Variants in TRPM1 observed in about 807,000 individuals in gnomAD.
The protein encoded by TRPM1 is TRPM1-203 APA Isoform, Intron 10.
TRPM1 carries 113 observed loss-of-function variants against 149.4 expected under a neutral mutation model. The ratio of observed to expected loss-of-function variants is 0.76; its 90% CI spans 0.65 to 0.88. The LOEUF (loss-of-function observed/expected upper bound fraction) is 0.88. TRPM1 is among the 40% of genes least tolerant of loss of function. The probability of loss-of-function intolerance (pLI) is 0.00; values close to 1 mark genes in which losing one functional copy is unlikely to be tolerated. For synonymous variants in TRPM1, 741 were observed against 759.5 expected (o/e 0.98, Z 0.40); for missense variants, 1,976 against 2,038.7 (o/e 0.97, Z 0.59).
At chr15:31,142,178 A>G (rs2036170920) in intron 1 of TRPM1, among the ~76,000 whole-genome samples, 1 of 152,226 alleles carries the variant, frequency 6.6e-6, no homozygotes, top group Non-Finnish European at 1.5e-5. Flanking sequence ...TCTTTGTAAA[A>G]GAAATTCTAT....
At chr15:31,131,583 C>T (rs966766165) in intron 1 of TRPM1, among the ~76,000 whole-genome samples, 4 of 152,234 alleles carry the variant, frequency 2.6e-5, no homozygotes, top group Admixed American at 2.6e-4. Flanking sequence ...TTCTGATTGA[C>T]AGCCATCAGG....
intron 1 of TRPM1, among the ~76,000 whole-genome samples, chr15:31,087,261 T>C (rs1596055855): frequency 7.1e-6 from 1 of 141,586 alleles, no homozygotes; most frequent in Non-Finnish European, 1.5e-5. Context: ...TTTTTTTTTT[T>C]TGAGACGGAG....
chr15:31,091,880 C>A (rs1395658716), intron 1 of TRPM1, among the ~76,000 whole-genome samples: 1 of 152,180 alleles, frequency 6.6e-6, no homozygotes, highest in Admixed American at 6.5e-5. Flanking sequence ...TTCAGTGGGG[C>A]CTTTGTAACC....
chr15:31,049,703 T>A (rs1396997548), intron 12 of TRPM1, among the ~76,000 whole-genome samples, 194 bp from the exon 13 acceptor site: 1 of 152,224 alleles, frequency 6.6e-6, no homozygotes, highest in Non-Finnish European at 1.5e-5. Context: ...GGCCTCTACA[T>A]GTTCCATCCA....
In TRPM1 at chr15:31,063,142, G is replaced by A. The variant is rs763506869; in HGVS notation, c.941C>T (p.Ala314Val). 2.4e-5 allele frequency: 39 copies of A among 1,614,188 alleles called. No individual in the cohort carries two copies. Among genetic ancestry groups the A allele is most frequent in the Non-Finnish European group, 3.1e-5 (36 of 1,180,040 alleles). ...CCCGCCTTCTTCACAGTACTTGTGC[G>A]CAAAGGACAGGATGTCCGAGGCACG... ...SGRASDILSF[A>V]HKYCEEGGII... The change falls in exon 8 of 28, where the codon GCG (alanine) becomes GTG (valine). Residue 314 changes from alanine to valine, a missense_variant. Ala to Val is a moderately conservative substitution (Grantham distance 64, BLOSUM62 0). Transcript: ENST00000256552.
At chr15:31,124,777 C>T (rs187045424) in intron 1 of TRPM1, among the ~76,000 whole-genome samples, 31 of 151,632 alleles carry the variant, frequency 2.0e-4, no homozygotes, top group African/African-American at 7.0e-4. Context: ...TGGGGGAAGA[C>T]AGGGCGGGAT....
At chr15:31,048,100 T>G (rs1371952713) in intron 13 of TRPM1, among the ~76,000 whole-genome samples, 161 bp from the exon 14 acceptor site, 1 of 151,990 alleles carries the variant, frequency 6.6e-6, no homozygotes, top group African/African-American at 2.4e-5. Flanking sequence ...CCATCTCTAC[T>G]AAAAATACAA....
chr15:31,126,322 C>T (rs1445247842), intron 1 of TRPM1, among the ~76,000 whole-genome samples: 1 of 152,202 alleles, frequency 6.6e-6, no homozygotes, highest in Non-Finnish European at 1.5e-5. Context: ...GACCAAAGAG[C>T]ATTCATAGAA....
chr15:31,133,780 C>G (rs964760428), intron 1 of TRPM1, among the ~76,000 whole-genome samples: 2 of 152,168 alleles, frequency 1.3e-5, no homozygotes, highest in East Asian at 3.8e-4. Context: ...CTTCTCCAGA[C>G]AAGATCCCCT....
At chr15:31,111,914 G>C (rs8023565) in intron 1 of TRPM1, among the ~76,000 whole-genome samples, 6,396 of 152,238 alleles carry the variant, frequency 0.042, 217 homozygotes, top group Non-Finnish European at 0.061. Flanking sequence ...AAAAAATTTG[G>C]CTGTACCTAG....
intron 11 of TRPM1, among the ~76,000 whole-genome samples, chr15:31,051,749 G>A (rs547124300): frequency 3.9e-5 from 6 of 152,176 alleles, no homozygotes; most frequent in African/African-American, 9.6e-5. Flanking sequence ...TTCTGGCTGC[G>A]GCCCACCTCT....
rs762021123 is a variant in TRPM1, at chr15:31,060,551, T to A, written c.1256A>T (p.His419Leu). The A allele has an allele frequency of 6.2e-7, 1 of 1,614,062 alleles. No individual in the cohort carries two copies. The highest frequency in any genetic ancestry group is 1.7e-5 in the Admixed American group (1 of 60,026). Residue 419 changes from histidine (H) to leucine (L), a missense_variant, in exon 11 of 28, where the codon CAC (histidine) becomes CTC (leucine). Coordinates refer to ENST00000256552, the MANE Select transcript of TRPM1 (RefSeq NM_001252024.2). The stretch of plus-strand genomic sequence containing the variant: ...GAAAAAAAACAGTTTCACCGGCCAG[T>A]GGGGCCCAAAGACAAAGATCTGGCT... Reference protein sequence around the residue: ...ARSQIFVFGPHWPPLGSLAPP... With the variant: ...ARSQIFVFGPLWPPLGSLAPP...
upstream of TRPM1, among the ~76,000 whole-genome samples, chr15:31,104,520 C>G (rs117207836): frequency 3.3e-5 from 5 of 151,212 alleles, no homozygotes; most frequent in African/African-American, 9.7e-5. Context: ...TTTGCAATGC[C>G]GGCGGACTTT....
At chr15:31,076,830 G>T in intron 3 of TRPM1, 75 bp downstream of exon 3, 1 of 1,203,320 alleles carries the variant, frequency 8.3e-7, no homozygotes, top group Non-Finnish European at 1.2e-6. Context: ...TCCTCTTTCT[G>T]CCTCTTACAA....
chr15:31,083,011 G>T (rs778351857), intron 1 of TRPM1, among the ~76,000 whole-genome samples: 5 of 152,110 alleles, frequency 3.3e-5, no homozygotes, highest in Non-Finnish European at 7.3e-5. Flanking sequence ...GGAAGGTGCA[G>T]GGGGATACCT....
chr15:31,047,129 GT>G lies in TRPM1; in HGVS notation c.1745del (p.Asn582ThrfsTer46). The G allele has an allele frequency of 6.2e-7, 1 of 1,614,260 alleles. No homozygotes were observed. Among genetic ancestry groups the G allele is most frequent in the Non-Finnish European group, 8.5e-7 (1 of 1,180,052 alleles). On this transcript the variant is annotated frameshift_variant, in exon 15 of 28. Transcript: ENST00000256552. LOFTEE classifies it high-confidence loss of function. ...GTTCTACCCTCTTTGGTCCAAACAA[GT>G]TGTTGTAAAGGGTCCGAAAGTTTTT... ...TRKNFRTLYN[N>X]LFGPKRPKAL... is the part of the protein sequence containing the mutation.
chr15:31,094,629 G>A (rs942382245), intron 1 of TRPM1, among the ~76,000 whole-genome samples: 3 of 152,184 alleles, frequency 2.0e-5, no homozygotes, highest in Non-Finnish European at 4.4e-5. Flanking sequence ...AACATCTTTA[G>A]ACATTAGGGA....
intron 27 of TRPM1, among the ~76,000 whole-genome samples, chr15:31,004,059 G>C (rs991717607): frequency 1.3e-5 from 2 of 152,196 alleles, no homozygotes; most frequent in Non-Finnish European, 2.9e-5. Context: ...CCCCAGGATG[G>C]AGCTAGGAGT....
chr15:31,146,191 A>G (rs1025984211), intron 1 of TRPM1, among the ~76,000 whole-genome samples: 4 of 152,240 alleles, frequency 2.6e-5, no homozygotes, highest in Non-Finnish European at 5.9e-5. Flanking sequence ...ACCAAATGTC[A>G]AATGATCCCT....
Sources: allele counts gnomAD v4.1 joint callset (sites outside exome capture counted in the v4.1 genomes callset), GRCh38; gene constraint gnomAD v4.1.1; transcripts MANE v1.5; gene names NCBI Gene and HGNC (gene_info 2026-07-23, HGNC 2026-07-21).